Variants in RBFOX1 observed in about 807,000 individuals in gnomAD.
RBFOX1 encodes RNA binding fox-1 homolog 1.
Under a neutral mutation model 57.7 loss-of-function variants are expected in RBFOX1, and 8 were observed. The observed-to-expected ratio is 0.14, with a 90% CI of 0.08 to 0.25. RBFOX1 has a LOEUF of 0.25. Among genes scored for constraint, RBFOX1 ranks in the 10% least tolerant of loss-of-function variants. The pLI is 1.00. For synonymous variants in RBFOX1, 326 were observed against 222.4 expected, an observed-to-expected ratio of 1.47 and a Z score of -4.15; for missense variants, 611 against 548.5, an observed-to-expected ratio of 1.11 and a Z score of -1.14.
In RBFOX1 at chr16:6,859,164, C is replaced by CGTATATAT. The variant is rs1491253902; in HGVS notation, c.-15-192892_-15-192885dup. 1.4e-3 allele frequency among the ~76,000 whole-genome samples: 112 copies of CGTATATAT among 81,050 alleles called. 6 individuals are homozygous for CGTATATAT. Among genetic ancestry groups the CGTATATAT allele is most frequent in the African/African-American group, 8.0e-3 (109 of 13,626 alleles). The allele number at this position is 81,050 out of a possible 152,430, so 53.2% of individuals were successfully genotyped here. ...ACGTATATATATATGTATATATATACGTATATATATGTATATATATGTATA... is the reference window on the plus strand; with the variant it reads ...ACGTATATATATATGTATATATATACGTATATATGTATATATATGTATATATATGTATA... On this transcript the variant is annotated intron_variant, in intron 3 of 15. Coordinates refer to ENST00000550418, the MANE Select transcript of RBFOX1 (RefSeq NM_018723.4).
intron 1 of RBFOX1, among the ~76,000 whole-genome samples, chr16:5,339,470 G>GGTTTTTTTTTTTT (rs1567354925): frequency 2.7e-4 from 11 of 40,888 alleles, no homozygotes; most frequent in Admixed American, 9.3e-4. Flanking sequence ...CTTTTTCCGT[G>GGTTTTTTTTTTTT]TTTTTTTTTT....
chr16:7,217,217 C>T (rs72767307), intron 4 of RBFOX1, among the ~76,000 whole-genome samples: 37,925 of 143,756 alleles, frequency 0.26, 7,102 homozygotes, highest in East Asian at 0.66. Context: ...AGATTCTCCT[C>T]CCACAGCAGG....
At chr16:7,616,354 T>TATCA (rs2058442964) in intron 10 of RBFOX1, among the ~76,000 whole-genome samples, 2 of 152,346 alleles carry the variant, frequency 1.3e-5, no homozygotes, top group Non-Finnish European at 1.5e-5. Flanking sequence ...GGCATAGTGT[T>TATCA]ATCAGTGAAG....
intron 4 of RBFOX1, among the ~76,000 whole-genome samples, chr16:7,258,365 A>G (rs1002018776): frequency 3.3e-5 from 5 of 152,176 alleles, no homozygotes; most frequent in African/African-American, 1.2e-4. Context: ...TTGACTGTAT[A>G]TTTGAGATTC....
At chr16:6,907,372 G>A (rs1338537131) in intron 3 of RBFOX1, among the ~76,000 whole-genome samples, 3 of 152,066 alleles carry the variant, frequency 2.0e-5, no homozygotes, top group Non-Finnish European at 2.9e-5. Context: ...AGAGAATGGC[G>A]GTATCCATGT....
intron 2 of RBFOX1, among the ~76,000 whole-genome samples, chr16:6,497,533 A>T (rs1400235724): frequency 6.6e-6 from 1 of 151,168 alleles, no homozygotes; most frequent in African/African-American, 2.4e-5. Context: ...CTCCAGTATA[A>T]ATCCTTTACA....
chr16:6,103,228 G>A (rs1224220025), intron 1 of RBFOX1, among the ~76,000 whole-genome samples: 1 of 152,086 alleles, frequency 6.6e-6, no homozygotes, highest in African/African-American at 2.4e-5. Context: ...AACCCTGTGG[G>A]TTTAATTCTG....
intron 1 of RBFOX1, among the ~76,000 whole-genome samples, chr16:5,417,618 A>G (rs371466288): frequency 6.6e-6 from 1 of 152,202 alleles, no homozygotes; most frequent in East Asian, 1.9e-4. Context: ...GCTGGTATCA[A>G]TGGGATACCC....
At chr16:5,788,353 G>T (rs1157408509) in intron 3 of RBFOX1, among the ~76,000 whole-genome samples, 2 of 152,188 alleles carry the variant, frequency 1.3e-5, no homozygotes, top group African/African-American at 2.4e-5. Context: ...TTGTGGCTGG[G>T]CGTGGTGGCT....
intron 3 of RBFOX1, among the ~76,000 whole-genome samples, chr16:7,022,169 TCCTC>T (rs1230149906): frequency 6.7e-6 from 1 of 148,684 alleles, no homozygotes; most frequent in African/African-American, 2.5e-5. Context: ...TTATAAATGA[TCCTC>T]CCACCTCAGC....
intron 4 of RBFOX1, among the ~76,000 whole-genome samples, chr16:7,193,761 C>T (rs757135155): frequency 4.6e-5 from 7 of 152,016 alleles, no homozygotes; most frequent in Non-Finnish European, 8.8e-5. Context: ...GTAGACAGCT[C>T]AGAATATTAG....
At chr16:6,870,867 C>G (rs1051934726) in intron 3 of RBFOX1, among the ~76,000 whole-genome samples, 1 of 152,094 alleles carries the variant, frequency 6.6e-6, no homozygotes, top group African/African-American at 2.4e-5. Flanking sequence ...ATAAAAGGCC[C>G]TAACTTTGAG....
At chr16:7,500,763 A>C (rs1332905789) in intron 4 of RBFOX1, among the ~76,000 whole-genome samples, 2 of 152,192 alleles carry the variant, frequency 1.3e-5, no homozygotes, top group Non-Finnish European at 2.9e-5. Flanking sequence ...AATAACCTTT[A>C]CAACCTATCC....
At chr16:7,421,959 A>G (rs1463084213) in intron 4 of RBFOX1, among the ~76,000 whole-genome samples, 1 of 152,210 alleles carries the variant, frequency 6.6e-6, no homozygotes, top group Non-Finnish European at 1.5e-5. Flanking sequence ...CCCTAAAGCC[A>G]TATCTGTTCC....
At chr16:5,372,278 T>C (rs1698288571) in intron 1 of RBFOX1, among the ~76,000 whole-genome samples, 1 of 152,164 alleles carries the variant, frequency 6.6e-6, no homozygotes, top group South Asian at 2.1e-4. Flanking sequence ...ATCTCAGTCT[T>C]GGGTGAGTCC....
At chr16:6,357,854 G>C (rs1042068299) in intron 2 of RBFOX1, among the ~76,000 whole-genome samples, 1 of 151,886 alleles carries the variant, frequency 6.6e-6, no homozygotes, top group African/African-American at 2.4e-5. Context: ...GGGAGGCTGA[G>C]GTAGGAGAAT....
At chr16:6,660,582 A>C (rs1466154772) in intron 3 of RBFOX1, among the ~76,000 whole-genome samples, 1 of 152,128 alleles carries the variant, frequency 6.6e-6, no homozygotes, top group Non-Finnish European at 1.5e-5. Context: ...AGCCCTCCCA[A>C]ATAGCAACTC....
intron 4 of RBFOX1, among the ~76,000 whole-genome samples, chr16:7,489,490 G>A (rs1446320879): frequency 6.8e-6 from 1 of 148,020 alleles, no homozygotes; most frequent in Non-Finnish European, 1.5e-5. Flanking sequence ...AAAAACTGAG[G>A]CTTGGAGAGA....
intron 2 of RBFOX1, among the ~76,000 whole-genome samples, chr16:6,517,974 G>A (rs1401351310): frequency 6.6e-6 from 1 of 152,120 alleles, no homozygotes; most frequent in Non-Finnish European, 1.5e-5. Context: ...TTGCATTTTG[G>A]AGACATGAGA....
Sources: gnomAD v4.1 joint callset for allele counts (sites outside exome capture counted in the v4.1 genomes callset) on GRCh38, gnomAD v4.1.1 for gene constraint, MANE v1.5 for transcripts, NCBI Gene and HGNC (gene_info 2026-07-23, HGNC 2026-07-21) for gene names.